The following TENM4 variants were observed in gnomAD, a reference collection of about 807,000 sequenced individuals.
TENM4 encodes teneurin transmembrane protein 4.
In TENM4, 82 loss-of-function variants were observed where a neutral mutation model predicts 243.3. The ratio of observed to expected loss-of-function variants is 0.34; its 90% CI spans 0.28 to 0.40. The LOEUF is 0.40. Ranked by LOEUF, TENM4 falls within the 10% of genes least tolerant of loss-of-function variation. TENM4 has a pLI of 1.00. For missense variants in TENM4, 3,138 were observed against 3,673.3 expected, an observed-to-expected ratio of 0.85 and a Z score of 3.77; for synonymous variants, 1,412 against 1,456.3, an observed-to-expected ratio of 0.97 and a Z score of 0.69.
At chr11:78,831,907 C>G (rs940014478) in intron 12 of TENM4, among the ~76,000 whole-genome samples, 4 of 152,224 alleles carry the variant, frequency 2.6e-5, no homozygotes, top group African/African-American at 9.7e-5. Context: ...CTCATTCGAA[C>G]CCCAAGCCAG....
chr11:78,805,277 T>TACCCCCCCCC lies in TENM4; in HGVS notation c.2179+14_2179+15insGGGGGGGGGT. 1.4e-6 allele frequency: 2 copies of TACCCCCCCCC among 1,402,550 alleles called. No individual in the cohort carries two copies. Among genetic ancestry groups the TACCCCCCCCC allele is most frequent in the African/African-American group, 1.5e-5 (1 of 68,156 alleles). 86.9% of individuals were successfully genotyped at this position (1,402,550 alleles called of 1,614,324 possible). On this transcript the variant is annotated intron_variant, in intron 15 of 33. Transcript: ENST00000278550. ...CCCCTCCCTCTACCCATGCTTCTTC[T>TACCCCCCCCC]CCCCCTGCATTTACCGATAGAACAG...
intron 1 of TENM4, among the ~76,000 whole-genome samples, chr11:79,330,469 C>A (rs1344402830): frequency 6.6e-6 from 1 of 152,154 alleles, no homozygotes; most frequent in Non-Finnish European, 1.5e-5. Context: ...TGATCACAGG[C>A]CTTAATCCTC....
rs182161127 is a variant in TENM4, at chr11:79,053,628, A to G, written c.493+11110T>C. On this transcript the variant is annotated intron_variant, in intron 6 of 33. Transcript: ENST00000278550. Reference sequence around the variant, plus strand: ...ACCCATGTTCTCTGTCTGCAGTCCAATGCCCCTTTTCCTGATTGCTGCTGC... The same window carrying G: ...ACCCATGTTCTCTGTCTGCAGTCCAGTGCCCCTTTTCCTGATTGCTGCTGC... Among the ~76,000 whole-genome samples the G allele has an allele frequency of 2.3e-3, 357 of 152,290 alleles. 11 individuals carry two copies. The South Asian group carries it at 0.059, about 25-fold the overall frequency.
chr11:78,808,614 C>A lies in TENM4; in HGVS notation c.1979-3122G>T, dbSNP rs141685186. ...GCCTCTTACCATTTCCCCTTACAAT[C>A]TTACTGGTTCAGAAATACATGCATG... On this transcript the variant is annotated intron_variant, in intron 14 of 33. Transcript: ENST00000278550. 7.3e-4 allele frequency among the ~76,000 whole-genome samples: 111 copies of A among 152,280 alleles called. 1 individual carries two copies. Among genetic ancestry groups the A allele is most frequent in the African/African-American group, 2.5e-3 (104 of 41,558 alleles).
intron 19 of TENM4, among the ~76,000 whole-genome samples, chr11:78,751,250 C>T (rs946549740): frequency 2.6e-5 from 4 of 152,146 alleles, no homozygotes; most frequent in Admixed American, 6.6e-5. Flanking sequence ...TAGGCTCTGA[C>T]CCTCTGTATA....
At chr11:79,076,816 T>C (rs1860546681) in intron 4 of TENM4, among the ~76,000 whole-genome samples, 1 of 152,186 alleles carries the variant, frequency 6.6e-6, no homozygotes, top group Non-Finnish European at 1.5e-5. Flanking sequence ...CACCTCCTCA[T>C]GTGCTTGGTA....
chr11:79,070,114 G>A, intron 4 of TENM4, 105 bp from the exon 5 acceptor site: 9 of 1,360,750 alleles, frequency 6.6e-6, no homozygotes, highest in Non-Finnish European at 7.7e-6. Context: ...GAGAACCCCA[G>A]GCAGTGGAGG....
chr11:78,872,036 A>G (rs894537309), intron 9 of TENM4, among the ~76,000 whole-genome samples: 9 of 152,188 alleles, frequency 5.9e-5, no homozygotes, highest in African/African-American at 1.9e-4. Context: ...TAGGTGCCTC[A>G]AAACAGAGAT....
chr11:79,365,706 C>A (rs1281903645), intron 1 of TENM4, among the ~76,000 whole-genome samples: 1 of 152,142 alleles, frequency 6.6e-6, no homozygotes, highest in African/African-American at 2.4e-5. Context: ...ACCATGACAG[C>A]AACAGGCACA....
intron 1 of TENM4, among the ~76,000 whole-genome samples, chr11:79,324,421 A>G (rs1399218063): frequency 2.0e-5 from 3 of 152,000 alleles, no homozygotes; most frequent in Admixed American, 2.0e-4. Context: ...AGGTCTCGCT[A>G]TGTTGACCAG....
At chr11:79,389,302 T>G (rs569694225) in intron 1 of TENM4, among the ~76,000 whole-genome samples, 4 of 152,310 alleles carry the variant, frequency 2.6e-5, no homozygotes, top group African/African-American at 9.6e-5. Context: ...ATTATAGGCA[T>G]GTGCCACCAC....
chr11:78,818,042 T>C (rs778445694), intron 12 of TENM4, among the ~76,000 whole-genome samples: 4 of 152,160 alleles, frequency 2.6e-5, no homozygotes, highest in Non-Finnish European at 5.9e-5. Context: ...AGGATAGAAA[T>C]TGAGTTTACT....
intron 1 of TENM4, among the ~76,000 whole-genome samples, chr11:79,422,609 T>TG (rs1858958907): frequency 6.6e-6 from 1 of 152,190 alleles, no homozygotes; most frequent in Non-Finnish European, 1.5e-5. Context: ...AGAAACTCGC[T>TG]GGAGAGGCCA....
chr11:79,192,428 A>T (rs895827174), intron 3 of TENM4, among the ~76,000 whole-genome samples: 1 of 152,208 alleles, frequency 6.6e-6, no homozygotes, highest in African/African-American at 2.4e-5. Context: ...ACTAAGAAAA[A>T]TTCTTCTGCC....
Position 78,778,461 on chromosome 11 carries a change from G to A in TENM4, c.2392+141C>T, listed in dbSNP as rs574307098. 78 of 908,902 alleles carry A rather than the reference G, an allele frequency of 8.6e-5. No individual in the cohort carries two copies. The South Asian group carries it at 9.8e-4, about 11-fold the overall frequency. 56.3% of individuals were successfully genotyped at this position (908,902 alleles called of 1,614,324 possible). On this transcript the variant is annotated intron_variant, in intron 17 of 33. Transcript: ENST00000278550. ...ATCCCCTTTGGGCAATGGATGCTGC[G>A]ACAAAACTGGGGATGCATTAGCTTC...
intron 4 of TENM4, among the ~76,000 whole-genome samples, chr11:79,139,771 A>ATTTATATATTATATATTTATT (rs1555016057): frequency 3.9e-5 from 1 of 25,642 alleles, no homozygotes; most frequent in East Asian, 5.8e-4. Context: ...ATTTATATAA[A>ATTTATATATTATATATTTATT]TATATAATAT....
At chr11:79,023,426 G>C (rs1020520881) in intron 6 of TENM4, among the ~76,000 whole-genome samples, 2 of 152,072 alleles carry the variant, frequency 1.3e-5, no homozygotes, top group African/African-American at 4.8e-5. Flanking sequence ...GCCGGGCGCA[G>C]TGGTGTGCAC....
intron 15 of TENM4, among the ~76,000 whole-genome samples, chr11:78,797,713 C>T (rs186858408): frequency 8.5e-5 from 13 of 152,280 alleles, no homozygotes; most frequent in East Asian, 3.9e-4. Context: ...TCTTCCGTGC[C>T]GCCCTCTGAC....
chr11:79,421,789 C>G (rs992852629), intron 1 of TENM4, among the ~76,000 whole-genome samples: 3 of 151,792 alleles, frequency 2.0e-5, no homozygotes, highest in Non-Finnish European at 4.4e-5. Flanking sequence ...CCTTTCAAAC[C>G]AGGATGTCTA....
Sources: gnomAD v4.1 joint callset for allele counts (sites outside exome capture counted in the v4.1 genomes callset) on GRCh38, gnomAD v4.1.1 for gene constraint, MANE v1.5 for transcripts, NCBI Gene and HGNC (gene_info 2026-07-23, HGNC 2026-07-21) for gene names.